The following MYPN variants were observed in gnomAD, a reference collection of about 807,000 sequenced individuals.
MYPN encodes the protein myopalladin.
Under a neutral mutation model 129.4 loss-of-function variants are expected in MYPN, and 63 were observed. That is an observed-to-expected ratio of 0.49 (90% CI 0.40 to 0.60). The LOEUF (loss-of-function observed/expected upper bound fraction) is 0.60. Ranked by LOEUF, MYPN falls within the 20% of genes least tolerant of loss-of-function variation. MYPN has a pLI of 0.00. For missense variants in MYPN, 1,596 were observed against 1,635.4 expected (o/e 0.98, Z 0.42); for synonymous variants, 629 against 600.9 (o/e 1.05, Z -0.68).
chr10:68,170,876 T>C (rs1289383345), intron 10 of MYPN, among the ~76,000 whole-genome samples: 4 of 151,992 alleles, frequency 2.6e-5, no homozygotes, highest in Non-Finnish European at 1.5e-5. Context: ...CGGCCGGGCA[T>C]GGTGGCTCAA....
At chr10:68,141,492 C>G (rs1300506948) in intron 2 of MYPN, among the ~76,000 whole-genome samples, 1 of 151,878 alleles carries the variant, frequency 6.6e-6, no homozygotes, top group Non-Finnish European at 1.5e-5. Flanking sequence ...ATTTTTGACA[C>G]TTAGTAGTTA....
At chr10:68,161,611 C>A in intron 7 of MYPN, 118 bp from the exon 8 acceptor site, 1 of 741,070 alleles carries the variant, frequency 1.3e-6, no homozygotes. Flanking sequence ...GTCACATAAT[C>A]TTATTGTATC....
At chr10:68,130,416 T>C (rs2042391895) in intron 2 of MYPN, among the ~76,000 whole-genome samples, 1 of 150,780 alleles carries the variant, frequency 6.6e-6, no homozygotes, top group Non-Finnish European at 1.5e-5. Context: ...GCCAAGATCA[T>C]GCCATTGCAC....
intron 4 of MYPN, among the ~76,000 whole-genome samples, chr10:68,146,756 AG>A (rs2042673382): frequency 6.6e-6 from 1 of 152,222 alleles, no homozygotes; most frequent in Non-Finnish European, 1.5e-5. Context: ...CAGCCTTTTA[AG>A]GTCATCTCTC....
Position 68,175,425 on chromosome 10 carries a change from A to C in MYPN, c.2667A>C (p.Lys889Asn). ...ACGCAGTGATTCGAGACTTGGGGAAAAAAATAACTTTCAGTGATGTCAGAC... is the reference window on the plus strand; with the variant it reads ...ACGCAGTGATTCGAGACTTGGGGAACAAAATAACTTTCAGTGATGTCAGAC... Reference protein sequence around the residue: ...TKNAVIRDLGKKITFSDVRPN... With the variant: ...TKNAVIRDLGNKITFSDVRPN... Residue 889 changes from lysine (K) to asparagine (N), a missense_variant, in exon 12 of 20, where the codon AAA becomes AAC. Coordinates refer to ENST00000358913, the MANE Select transcript of MYPN (RefSeq NM_032578.4). 6.2e-7 allele frequency: 1 copy of C among 1,614,210 alleles called. No homozygotes were observed. The highest frequency in any genetic ancestry group is 8.5e-7 in the Non-Finnish European group (1 of 1,180,016).
intron 1 of MYPN, among the ~76,000 whole-genome samples, chr10:68,110,758 A>G (rs1564641238): frequency 6.6e-6 from 1 of 152,182 alleles, no homozygotes; most frequent in Non-Finnish European, 1.5e-5. Flanking sequence ...GCTATCATAA[A>G]CATATTTTTT....
chr10:68,135,731 G>C (rs1366958276), intron 2 of MYPN, among the ~76,000 whole-genome samples: 8 of 152,134 alleles, frequency 5.3e-5, no homozygotes, highest in Admixed American at 5.2e-4. Context: ...AATATGTTTT[G>C]AGCAGCTAAA....
At chr10:68,121,086 C>T (rs760752918) in intron 1 of MYPN, among the ~76,000 whole-genome samples, 33 of 152,158 alleles carry the variant, frequency 2.2e-4, no homozygotes, top group South Asian at 1.2e-3. Context: ...CGAGACCAGC[C>T]TGGGCAACAG....
chr10:68,089,700 C>G (rs557333872), intron 1 of MYPN, among the ~76,000 whole-genome samples: 1 of 152,068 alleles, frequency 6.6e-6, no homozygotes, highest in African/African-American at 2.4e-5. Flanking sequence ...GAAGAGAAGC[C>G]TCTTTTGTTG....
At position 68,110,118 on chromosome 10, in the gene MYPN, C is replaced by T. The variant is rs565627981; in HGVS notation, c.-2+395C>T. Among the ~76,000 whole-genome samples the T allele has an allele frequency of 2.6e-5, 4 of 152,240 alleles. No homozygotes were observed. In the East Asian group the frequency reaches 7.7e-4, roughly 29 times the overall value. On this transcript the variant is annotated intron_variant, in intron 1 of 19. Transcript: ENST00000358913. ...CTAAAATAATATGCCTGCATAAAGA[C>T]TTTCATTTTAAATTTTTTTATCATG...
intron 1 of MYPN, among the ~76,000 whole-genome samples, chr10:68,119,097 A>T (rs2042201908): frequency 6.6e-6 from 1 of 152,180 alleles, no homozygotes; most frequent in Non-Finnish European, 1.5e-5. Context: ...TTACATTTTC[A>T]AATAACATTT....
At chr10:68,135,894 T>C (rs976850431) in intron 2 of MYPN, among the ~76,000 whole-genome samples, 1 of 151,762 alleles carries the variant, frequency 6.6e-6, no homozygotes, top group African/African-American at 2.4e-5. Context: ...TATATAAGGG[T>C]TCTGGAAAGG....
intron 12 of MYPN, among the ~76,000 whole-genome samples, chr10:68,180,326 C>T (rs1310689202): frequency 6.6e-6 from 1 of 152,196 alleles, no homozygotes; most frequent in Non-Finnish European, 1.5e-5. Context: ...GATGGGACTA[C>T]AGGCACGTGC....
chr10:68,199,389 G>A lies in MYPN; in HGVS notation c.3307G>A (p.Glu1103Lys). 6.2e-7 allele frequency: 1 copy of A among 1,613,986 alleles called. No individual in the cohort carries two copies. Among genetic ancestry groups the A allele is most frequent in the Non-Finnish European group, 8.5e-7 (1 of 1,179,954 alleles). Reference protein sequence around the residue: ...DCKVSGLPPPELTWLLNGQPV... With the variant: ...DCKVSGLPPPKLTWLLNGQPV... Reference sequence around the variant, plus strand: ...TTAGGTGAGTGGTTTACCGCCCCCGGAGCTGACATGGCTACTCAATGGCCA... The same window carrying A: ...TTAGGTGAGTGGTTTACCGCCCCCGAAGCTGACATGGCTACTCAATGGCCA... Residue 1103 changes from glutamate (E) to lysine (K), a missense_variant, in exon 17 of 20, where the codon GAG becomes AAG. Coordinates refer to ENST00000358913, the MANE Select transcript of MYPN (RefSeq NM_032578.4).
chr10:68,174,255 C>A lies in MYPN; in HGVS notation c.2163C>A (p.Ala721=), dbSNP rs71584491. 29,938 of 1,613,986 alleles carry A rather than the reference C, an allele frequency of 0.019. 761 individuals are homozygous for A. Among genetic ancestry groups the A allele is most frequent in the African/African-American group, 0.11 (8,474 of 74,924 alleles). ...KAPSSQTFSL[A]RPKYFFPSTN... is the part of the protein sequence containing the mutation. The stretch of plus-strand genomic sequence containing the variant: ...CTTCATCACAGACGTTCAGCTTGGC[C>A]CGGCCGAAGTATTTCTTCCCCTCCA... Residue 721 remains alanine (A), a synonymous_variant, in exon 11 of 20, where the codon GCC becomes GCA. Coordinates refer to ENST00000358913, the MANE Select transcript of MYPN (RefSeq NM_032578.4).
chr10:68,145,118 G>A (rs1327389667), intron 3 of MYPN, among the ~76,000 whole-genome samples: 20 of 151,528 alleles, frequency 1.3e-4, no homozygotes, highest in Admixed American at 9.9e-4. Flanking sequence ...TCCGCCTCCC[G>A]GGTTCAAGCT....
chr10:68,188,847 T>C, intron 12 of MYPN, 58 bp from the exon 13 acceptor site: 3 of 1,448,156 alleles, frequency 2.1e-6, no homozygotes, highest in Non-Finnish European at 2.9e-6. Context: ...TCAATTGTAC[T>C]GATGGACATG....
At chr10:68,137,083 G>T (rs999843570) in intron 2 of MYPN, among the ~76,000 whole-genome samples, 1 of 151,820 alleles carries the variant, frequency 6.6e-6, no homozygotes, top group Non-Finnish European at 1.5e-5. Context: ...TTTAAATATT[G>T]TTTATTCATT....
chr10:68,194,334 G>C (rs1343180610), intron 13 of MYPN, 29 bp from the exon 14 acceptor site: 2 of 1,609,804 alleles, frequency 1.2e-6, no homozygotes, highest in East Asian at 4.5e-5. Context: ...AAACAAAACA[G>C]TGTACATCTT....
Sources: gnomAD v4.1 joint callset for allele counts (sites outside exome capture counted in the v4.1 genomes callset) on GRCh38, gnomAD v4.1.1 for gene constraint, MANE v1.5 for transcripts, NCBI Gene and HGNC (gene_info 2026-07-23, HGNC 2026-07-21) for gene names.